The following CNTNAP2 variants were observed in gnomAD, a reference collection of about 807,000 sequenced individuals.
CNTNAP2 encodes the protein contactin-associated protein-like 2.
CNTNAP2 carries 98 observed loss-of-function variants against 155.2 expected under a neutral mutation model. The ratio of observed to expected loss-of-function variants is 0.63; its 90% CI spans 0.54 to 0.75. The LOEUF (loss-of-function observed/expected upper bound fraction) is 0.75. Among genes scored for constraint, CNTNAP2 ranks in the 30% least tolerant of loss-of-function variants. The probability of loss-of-function intolerance (pLI) is 0.00; values close to 1 mark genes in which losing one functional copy is unlikely to be tolerated. For missense variants in CNTNAP2, 1,727 were observed against 1,688.1 expected (o/e 1.02, Z -0.40); for synonymous variants, 651 against 631.2 (o/e 1.03, Z -0.47).
chr7:147,744,512 C>T (rs547198072), intron 13 of CNTNAP2, among the ~76,000 whole-genome samples: 6 of 152,294 alleles, frequency 3.9e-5, no homozygotes, highest in African/African-American at 1.4e-4. Flanking sequence ...TTGTTCAGGA[C>T]GTCAGAGGAC....
At chr7:147,216,342 TTGAGTTAATTTTTG>T (rs1803268829) in intron 8 of CNTNAP2, among the ~76,000 whole-genome samples, 1 of 152,064 alleles carries the variant, frequency 6.6e-6, no homozygotes, top group South Asian at 2.1e-4. Context: ...GTGATCCACT[TTGAGTTAATTTTTG>T]TGAAGGATAT....
At chr7:147,664,274 T>G (rs1398901172) in intron 13 of CNTNAP2, among the ~76,000 whole-genome samples, 1 of 151,976 alleles carries the variant, frequency 6.6e-6, no homozygotes, top group African/African-American at 2.4e-5. Context: ...GAATTAAGAG[T>G]TTTTGTTGGT....
chr7:146,296,272 C>A (rs1800513395), intron 1 of CNTNAP2, among the ~76,000 whole-genome samples: 1 of 152,096 alleles, frequency 6.6e-6, no homozygotes, highest in Non-Finnish European at 1.5e-5. Flanking sequence ...CATGACCTCA[C>A]CCTGCACTCT....
rs529432303 is a variant in CNTNAP2 at position 146,573,713 on chromosome 7, A to G, written c.98-200558A>G. On this transcript the variant is annotated intron_variant, in intron 1 of 23. Transcript: ENST00000361727. ...TTACTTATCAAGCTTGCAACAGCAC[A>G]GTGTGAGGATTTTGCGTTCCTGAGC... Among the ~76,000 whole-genome samples the G allele has an allele frequency of 3.7e-4, 57 of 152,348 alleles. 3 individuals are homozygous for G. Among genetic ancestry groups the G allele is most frequent in the South Asian group, 3.1e-3 (15 of 4,828 alleles).
At chr7:147,210,145 T>A (rs1006580517) in intron 8 of CNTNAP2, among the ~76,000 whole-genome samples, 1 of 152,060 alleles carries the variant, frequency 6.6e-6, no homozygotes, top group Non-Finnish European at 1.5e-5. Flanking sequence ...CCTTGGTTTT[T>A]TGGAATCGTT....
At chr7:147,788,903 T>TC (rs1345995456) in intron 13 of CNTNAP2, among the ~76,000 whole-genome samples, 8 of 120,644 alleles carry the variant, frequency 6.6e-5, no homozygotes, top group African/African-American at 2.1e-4. Flanking sequence ...TCTTTTTCTT[T>TC]TTTTTTTTTT....
intron 4 of CNTNAP2, among the ~76,000 whole-genome samples, chr7:147,104,052 A>G (rs893008322): frequency 1.3e-5 from 2 of 152,086 alleles, no homozygotes; most frequent in African/African-American, 4.8e-5. Flanking sequence ...GTGAAGTCCA[A>G]GTATAATCTG....
intron 3 of CNTNAP2, among the ~76,000 whole-genome samples, chr7:146,875,674 C>G (rs954184825): frequency 1.3e-5 from 2 of 151,056 alleles, no homozygotes; most frequent in Admixed American, 6.6e-5. Context: ...TTGCTTTTGG[C>G]GGGGGGGCAA....
At chr7:146,119,186 G>A (rs920402924) in intron 1 of CNTNAP2, among the ~76,000 whole-genome samples, 1 of 152,012 alleles carries the variant, frequency 6.6e-6, no homozygotes, top group African/African-American at 2.4e-5. Flanking sequence ...GTCATCACAA[G>A]ACAAAAAGTA....
chr7:147,228,951 C>T (rs1396655099), intron 8 of CNTNAP2, among the ~76,000 whole-genome samples: 1 of 152,010 alleles, frequency 6.6e-6, no homozygotes, highest in Non-Finnish European at 1.5e-5. Flanking sequence ...ATGATGGTTT[C>T]CAGCTTCATT....
At chr7:146,322,466 A>G (rs1801021458) in intron 1 of CNTNAP2, among the ~76,000 whole-genome samples, 1 of 152,054 alleles carries the variant, frequency 6.6e-6, no homozygotes, top group Non-Finnish European at 1.5e-5. Context: ...ATGTTCAGGG[A>G]AGGTTTTCTT....
intron 13 of CNTNAP2, among the ~76,000 whole-genome samples, chr7:147,680,848 T>A (rs1467661034): frequency 6.6e-6 from 1 of 150,930 alleles, no homozygotes. Flanking sequence ...ACCTACAAAA[T>A]ATATAATAAC....
chr7:148,073,977 A>G (rs936671261), intron 15 of CNTNAP2, among the ~76,000 whole-genome samples: 2 of 152,172 alleles, frequency 1.3e-5, no homozygotes, highest in African/African-American at 4.8e-5. Flanking sequence ...CCTGGAACCA[A>G]TCCCCCATAG....
intron 1 of CNTNAP2, among the ~76,000 whole-genome samples, chr7:146,602,557 C>A (rs1291539072): frequency 6.6e-6 from 1 of 152,114 alleles, no homozygotes; most frequent in Non-Finnish European, 1.5e-5. Context: ...TCTCTTATTT[C>A]CTTTGTATTT....
chr7:148,006,584 G>A (rs1243436564), intron 15 of CNTNAP2, among the ~76,000 whole-genome samples: 1 of 149,536 alleles, frequency 6.7e-6, no homozygotes, highest in Non-Finnish European at 1.5e-5. Flanking sequence ...CTTCCAAAGT[G>A]CTGGGATTAC....
chr7:147,949,288 A>T (rs1800878673), intron 14 of CNTNAP2, among the ~76,000 whole-genome samples: 1 of 151,942 alleles, frequency 6.6e-6, no homozygotes, highest in Admixed American at 6.6e-5. Flanking sequence ...TCATCATGAA[A>T]GTCTTCATCC....
intron 1 of CNTNAP2, among the ~76,000 whole-genome samples, chr7:146,445,576 T>A (rs1389557165): frequency 6.6e-6 from 1 of 152,164 alleles, no homozygotes. Context: ...CATTAGAGAA[T>A]CAAATAACTG....
chr7:146,465,001 T>C (rs1302408135), intron 1 of CNTNAP2, among the ~76,000 whole-genome samples: 2 of 152,092 alleles, frequency 1.3e-5, no homozygotes, highest in Non-Finnish European at 2.9e-5. Context: ...TAGTCTGGTG[T>C]CTGCTTTAAT....
At chr7:146,924,020 T>C (rs1214570852) in intron 3 of CNTNAP2, among the ~76,000 whole-genome samples, 1 of 152,064 alleles carries the variant, frequency 6.6e-6, no homozygotes, top group Non-Finnish European at 1.5e-5. Context: ...CTGTTGTCTC[T>C]CTCTTAAAGT....
Sources: gnomAD v4.1 joint callset for allele counts (sites outside exome capture counted in the v4.1 genomes callset) on GRCh38, gnomAD v4.1.1 for gene constraint, MANE v1.5 for transcripts, NCBI Gene and HGNC (gene_info 2026-07-23, HGNC 2026-07-21) for gene names.